The following MAGI2 variants were observed in gnomAD, a reference collection of about 807,000 sequenced individuals.
MAGI2 encodes the protein membrane-associated guanylate kinase, WW and PDZ domain-containing protein 2.
Under a neutral mutation model 133.3 loss-of-function variants are expected in MAGI2, and 35 were observed. That is an observed-to-expected ratio of 0.26 (90% confidence interval 0.20 to 0.35). MAGI2 has a LOEUF of 0.35. MAGI2 is among the 10% of genes least tolerant of loss of function. The pLI, the probability that MAGI2 is intolerant of heterozygous loss-of-function variation, is 1.00. For synonymous variants in MAGI2, 729 were observed against 710.6 expected, an observed-to-expected ratio of 1.03 and a Z score of -0.41; for missense variants, 1,636 against 1,863.4, an observed-to-expected ratio of 0.88 and a Z score of 2.25.
chr7:79,258,700 G>C (rs1383200521), intron 1 of MAGI2, among the ~76,000 whole-genome samples: 2 of 152,128 alleles, frequency 1.3e-5, no homozygotes, highest in East Asian at 3.9e-4. Context: ...TACTATCGTG[G>C]CATACTATGG....
At chr7:79,267,260 T>A (rs1563062207) in intron 1 of MAGI2, among the ~76,000 whole-genome samples, 1 of 152,194 alleles carries the variant, frequency 6.6e-6, no homozygotes, top group Non-Finnish European at 1.5e-5. Context: ...AATCTCTGCA[T>A]CAGTGTCTGA....
At chr7:78,962,035 C>T (rs1443202094) in intron 2 of MAGI2, among the ~76,000 whole-genome samples, 1 of 151,904 alleles carries the variant, frequency 6.6e-6, no homozygotes, top group African/African-American at 2.4e-5. Flanking sequence ...AGAAAAGGCA[C>T]AGTAAAAATA....
intron 4 of MAGI2, among the ~76,000 whole-genome samples, chr7:78,513,699 A>G (rs1479458895): frequency 2.6e-5 from 4 of 152,168 alleles, no homozygotes; most frequent in Non-Finnish European, 5.9e-5. Context: ...TCACTCATGG[A>G]TCAAATCTCC....
At chr7:78,062,157 C>A (rs1458474315) in intron 21 of MAGI2, among the ~76,000 whole-genome samples, 1 of 152,184 alleles carries the variant, frequency 6.6e-6, no homozygotes, top group Admixed American at 6.5e-5. Flanking sequence ...TCTTACTCAT[C>A]TTTGCACTCT....
chr7:78,964,883 A>G (rs1803171045), intron 2 of MAGI2, among the ~76,000 whole-genome samples: 1 of 152,010 alleles, frequency 6.6e-6, no homozygotes, highest in Non-Finnish European at 1.5e-5. Context: ...CCAGAATATC[A>G]TACAGTCTCT....
At chr7:78,399,070 TA>T (rs1328640638) in intron 6 of MAGI2, among the ~76,000 whole-genome samples, 1 of 152,140 alleles carries the variant, frequency 6.6e-6, no homozygotes, top group African/African-American at 2.4e-5. Context: ...TTAATGTGTC[TA>T]AAAATGGATA....
chr7:79,043,337 G>A lies in MAGI2; in HGVS notation c.302-36131C>T, dbSNP rs139914575. ...AGGTGGGTGGATCACGAGGTCAGGG[G>A]TTTGAGAACAGCCTGACCAACATGG... On this transcript the variant is annotated intron_variant, in intron 1 of 21. Coordinates refer to ENST00000354212, the MANE Select transcript of MAGI2 (RefSeq NM_012301.4). Among the ~76,000 whole-genome samples, 263 of 151,944 alleles carry A rather than the reference G, an allele frequency of 1.7e-3. 10 individuals carry two copies. The East Asian group carries it at 0.049, about 28-fold the overall frequency.
chr7:79,326,036 A>G (rs1400282251), intron 1 of MAGI2, among the ~76,000 whole-genome samples: 2 of 152,108 alleles, frequency 1.3e-5, no homozygotes, highest in Non-Finnish European at 2.9e-5. Flanking sequence ...CCGAATAAGA[A>G]ATTACCAAAT....
intron 2 of MAGI2, among the ~76,000 whole-genome samples, chr7:78,931,858 G>A (rs545187629): frequency 6.6e-6 from 1 of 152,016 alleles, no homozygotes; most frequent in Non-Finnish European, 1.5e-5. Flanking sequence ...CTACTTTTAA[G>A]TACAGGTTGA....
chr7:78,599,888 C>T (rs908802688), intron 3 of MAGI2, among the ~76,000 whole-genome samples: 1 of 152,176 alleles, frequency 6.6e-6, no homozygotes, highest in Non-Finnish European at 1.5e-5. Context: ...CATCTTCTCT[C>T]TGAATTCTGC....
chr7:78,761,561 G>A (rs1430241341), intron 2 of MAGI2, among the ~76,000 whole-genome samples: 1 of 150,864 alleles, frequency 6.6e-6, no homozygotes, highest in East Asian at 2.0e-4. Context: ...TGCCTCCTGT[G>A]TTCAAACAAT....
intron 1 of MAGI2, among the ~76,000 whole-genome samples, chr7:79,274,924 A>G (rs1443384735): frequency 2.0e-5 from 3 of 152,196 alleles, no homozygotes; most frequent in East Asian, 1.9e-4. Context: ...AACCATGCCC[A>G]TATGATACAA....
chr7:79,181,032 G>T (rs989544691), intron 1 of MAGI2, among the ~76,000 whole-genome samples: 1 of 151,936 alleles, frequency 6.6e-6, no homozygotes, highest in African/African-American at 2.4e-5. Context: ...CTATGGCTTT[G>T]CAGGGTACAG....
chr7:79,212,571 G>A (rs1330578555), intron 1 of MAGI2, among the ~76,000 whole-genome samples: 1 of 152,006 alleles, frequency 6.6e-6, no homozygotes, highest in African/African-American at 2.4e-5. Context: ...TAACTTCTAG[G>A]TTGGCCATGG....
intron 20 of MAGI2, among the ~76,000 whole-genome samples, chr7:78,121,155 G>A: frequency 6.7e-6 from 1 of 149,650 alleles, no homozygotes. Context: ...ACTTTTAGAA[G>A]AAGATATAAG....
chr7:78,109,068 G>A (rs999078530), intron 20 of MAGI2, among the ~76,000 whole-genome samples: 25 of 151,716 alleles, frequency 1.6e-4, no homozygotes, highest in African/African-American at 5.8e-4. Flanking sequence ...ACTTTGGGAG[G>A]CCGAGGCGGG....
chr7:78,087,976 G>T (rs189074436), intron 20 of MAGI2, among the ~76,000 whole-genome samples: 1 of 152,156 alleles, frequency 6.6e-6, no homozygotes, highest in Non-Finnish European at 1.5e-5. Context: ...ATCGGCCTAA[G>T]AATAGAAAGC....
intron 2 of MAGI2, among the ~76,000 whole-genome samples, chr7:78,760,562 C>T (rs568682875): frequency 8.6e-4 from 131 of 152,140 alleles, no homozygotes; most frequent in Non-Finnish European, 1.7e-3. Context: ...GGGGTTCCTT[C>T]TCTATCTTAG....
chr7:78,548,298 G>A (rs573420656), intron 3 of MAGI2, among the ~76,000 whole-genome samples: 207 of 152,298 alleles, frequency 1.4e-3, no homozygotes, highest in Non-Finnish European at 2.7e-3. Flanking sequence ...AGAAATCATT[G>A]TTCTTTGTTA....
Sources: gnomAD v4.1 joint callset for allele counts (sites outside exome capture counted in the v4.1 genomes callset) on GRCh38, gnomAD v4.1.1 for gene constraint, MANE v1.5 for transcripts, NCBI Gene and HGNC (gene_info 2026-07-23, HGNC 2026-07-21) for gene names.